Variants in TMEM181 observed in about 807,000 individuals in gnomAD.
TMEM181 encodes the protein transmembrane protein 181.
In TMEM181, 39 loss-of-function variants were observed where a neutral mutation model predicts 71.9. The ratio of observed to expected loss-of-function variants is 0.54; its 90% CI spans 0.42 to 0.71. TMEM181 has a LOEUF of 0.71. TMEM181 is among the 30% of genes least tolerant of loss of function. The probability of loss-of-function intolerance (pLI) is 0.00; values close to 1 mark genes in which losing one functional copy is unlikely to be tolerated. For missense variants in TMEM181, 595 were observed against 583.0 expected, an observed-to-expected ratio of 1.02 and a Z score of -0.21; for synonymous variants, 245 against 228.8, an observed-to-expected ratio of 1.07 and a Z score of -0.64.
intron 6 of TMEM181, among the ~76,000 whole-genome samples, chr6:158,590,852 C>G (rs1784071921): frequency 6.6e-6 from 1 of 152,232 alleles, no homozygotes; most frequent in Non-Finnish European, 1.5e-5. Flanking sequence ...TGTTAGTGAT[C>G]ATTTCCCATT....
chr6:158,604,357 ATGT>A (rs1784831689), intron 6 of TMEM181, among the ~76,000 whole-genome samples: 1 of 151,862 alleles, frequency 6.6e-6, no homozygotes, highest in African/African-American at 2.4e-5. Flanking sequence ...TGTGTGCGTG[ATGT>A]TTTAGGTAAA....
intron 6 of TMEM181, among the ~76,000 whole-genome samples, chr6:158,595,827 T>G (rs1409616108): frequency 6.6e-6 from 1 of 152,148 alleles, no homozygotes; most frequent in Non-Finnish European, 1.5e-5. Context: ...GTGCTGGTGA[T>G]GTTCTGTGTC....
intron 6 of TMEM181, among the ~76,000 whole-genome samples, chr6:158,604,650 A>G (rs570329670): frequency 1.3e-5 from 2 of 152,326 alleles, no homozygotes; most frequent in South Asian, 4.1e-4. Context: ...TTCTGCTTTC[A>G]CATTCATACT....
In TMEM181 at chr6:158,605,154, G is replaced by GTGTGTA. The variant is rs1554227513; in HGVS notation, c.493-105_493-100dup. The GTGTGTA allele has an allele frequency of 4.1e-4, 235 of 576,438 alleles. 12 individuals are homozygous for GTGTGTA. Among genetic ancestry groups the GTGTGTA allele is most frequent in the African/African-American group, 4.1e-3 (205 of 50,572 alleles). The allele number at this position is 576,438 out of a possible 1,614,324, so 35.7% of individuals were successfully genotyped here. On this transcript the variant is annotated intron_variant, in intron 6 of 16. Transcript: ENST00000684151. ...AAAGTGTGTGTGTGTGTGTGTGTGT[G>GTGTGTA]TGTGTATGTGTATATATTGTCTCAT...
At chr6:158,605,077 T>A (rs1459076926) in intron 6 of TMEM181, among the ~76,000 whole-genome samples, 190 bp from the exon 7 acceptor site, 6 of 148,376 alleles carry the variant, frequency 4.0e-5, no homozygotes, top group Non-Finnish European at 8.9e-5. Context: ...TTGCGCCACT[T>A]CACTCCGGCC....
At chr6:158,581,507 A>G (rs1035919829) in intron 3 of TMEM181, among the ~76,000 whole-genome samples, 7 of 152,110 alleles carry the variant, frequency 4.6e-5, no homozygotes, top group African/African-American at 1.7e-4. Flanking sequence ...TAATCCCAGC[A>G]CTTTGGGAAG....
intron 11 of TMEM181, among the ~76,000 whole-genome samples, chr6:158,624,438 T>A (rs557850990): frequency 1.4e-4 from 21 of 152,208 alleles, no homozygotes; most frequent in Non-Finnish European, 8.8e-5. Context: ...GGTGGGGGGA[T>A]GGCGTGGGCC....
chr6:158,536,792 T>C, exon 1 of TMEM181: 2 of 1,564,538 alleles, frequency 1.3e-6, no homozygotes, highest in Non-Finnish European at 8.6e-7. Context: ...CAAGCACCTG[T>C]GCCGGCGGCT....
chr6:158,625,748 T>C lies in TMEM181; in HGVS notation c.1103T>C (p.Val368Ala). The C allele has an allele frequency of 1.2e-6, 2 of 1,610,404 alleles. No homozygotes were observed. The highest frequency in any genetic ancestry group is 1.7e-6 in the Non-Finnish European group (2 of 1,179,088). The change falls in exon 13 of 17, where the codon GTC becomes GCC. Residue 368 changes from valine to alanine, a missense_variant. Physicochemically the swap from Val to Ala is moderately conservative, Grantham distance 64. Coordinates refer to ENST00000684151, the MANE Select transcript of TMEM181 (RefSeq NM_001376852.1). ...ACTGCATTGACTTTCGTAGTACTTG[T>C]CATTAGGTAAGAAGACCTTATTTCT... Reference protein sequence around the residue: ...FLTALTFVVLVISIAILYLRF... With the variant: ...FLTALTFVVLAISIAILYLRF...
intron 10 of TMEM181, chr6:158,621,639 A>G (rs1785966447): frequency 6.5e-6 from 1 of 153,886 alleles, no homozygotes; most frequent in Admixed American, 6.6e-5. Context: ...AGCACCATGG[A>G]CCCCCTTCCC....
upstream of TMEM181, among the ~76,000 whole-genome samples, chr6:158,556,526 G>A (rs1175944522): frequency 1.3e-5 from 2 of 152,170 alleles, no homozygotes; most frequent in East Asian, 3.8e-4. Flanking sequence ...ACAATGGGGA[G>A]GATTACATAA....
At chr6:158,565,553 A>G (rs779420539) in intron 1 of TMEM181, among the ~76,000 whole-genome samples, 14 of 152,206 alleles carry the variant, frequency 9.2e-5, no homozygotes, top group African/African-American at 2.9e-4. Context: ...AGAAAGTTCA[A>G]TGTTGCAATT....
At chr6:158,553,003 A>G (rs1371567981) in intron 1 of TMEM181, among the ~76,000 whole-genome samples, 1 of 152,136 alleles carries the variant, frequency 6.6e-6, no homozygotes, top group Non-Finnish European at 1.5e-5. Context: ...CCTGGGCAAC[A>G]TGGTGAGACC....
chr6:158,580,788 T>G (rs185690882), intron 2 of TMEM181, 152 bp from the exon 3 acceptor site: 122 of 591,302 alleles, frequency 2.1e-4, no homozygotes, highest in Non-Finnish European at 3.3e-4. Flanking sequence ...TGTTTATATC[T>G]TCTACTTACA....
At chr6:158,559,389 G>GAAGT (rs1466659657), upstream of TMEM181, among the ~76,000 whole-genome samples, 1 of 152,188 alleles carries the variant, frequency 6.6e-6, no homozygotes. Context: ...AGGAAGCTTG[G>GAAGT]AAGTCCTTTA....
chr6:158,536,889 G>A (rs1781129394), intron 1 of TMEM181: 4 of 1,328,002 alleles, frequency 3.0e-6, no homozygotes, highest in African/African-American at 3.0e-5. Flanking sequence ...GGGCAGCGGC[G>A]GGGCGGCCGG....
At chr6:158,606,531 C>T (rs1583023174) in intron 7 of TMEM181, among the ~76,000 whole-genome samples, 1 of 152,166 alleles carries the variant, frequency 6.6e-6, no homozygotes, top group Non-Finnish European at 1.5e-5. Context: ...GGAAGATGGT[C>T]CCTAGGCAAG....
chr6:158,608,215 C>A (rs1194462452), intron 8 of TMEM181, 118 bp from the exon 9 acceptor site: 1 of 723,204 alleles, frequency 1.4e-6, no homozygotes, highest in Non-Finnish European at 1.9e-6. Flanking sequence ...CAGGTGCTGA[C>A]CCCGCAGAGG....
chr6:158,602,084 C>T (rs191408176), intron 6 of TMEM181, among the ~76,000 whole-genome samples: 4 of 152,344 alleles, frequency 2.6e-5, no homozygotes, highest in Admixed American at 2.6e-4. Context: ...GTGCCCCTTC[C>T]TCCTGTCCTT....
Sources: allele counts gnomAD v4.1 joint callset (sites outside exome capture counted in the v4.1 genomes callset), GRCh38; gene constraint gnomAD v4.1.1; transcripts MANE v1.5; gene names NCBI Gene and HGNC (gene_info 2026-07-23, HGNC 2026-07-21).